The following TNIK variants were observed in gnomAD, a reference collection of about 807,000 sequenced individuals.
TNIK encodes TRAF2 and NCK interacting kinase.
A neutral mutation model predicts 191.3 loss-of-function variants in TNIK; 49 were observed. That is an observed-to-expected ratio of 0.26 (90% CI 0.20 to 0.32). The LOEUF (loss-of-function observed/expected upper bound fraction) is 0.32. TNIK is among the 10% of genes least tolerant of loss of function. The probability of loss-of-function intolerance (pLI) is 1.00; values close to 1 mark genes in which losing one functional copy is unlikely to be tolerated. For synonymous variants in TNIK, 594 were observed against 600.9 expected (o/e 0.99, Z 0.17); for missense variants, 1,155 against 1,702.3 (o/e 0.68, Z 5.66).
chr3:171,175,448 G>T, intron 8 of TNIK, 118 bp from the exon 9 acceptor site: 2 of 717,752 alleles, frequency 2.8e-6, no homozygotes, highest in South Asian at 1.9e-5. Flanking sequence ...CACCACCAGT[G>T]AGCACAAAGT....
At chr3:171,314,273 C>T (rs1187634368) in intron 2 of TNIK, among the ~76,000 whole-genome samples, 1 of 152,164 alleles carries the variant, frequency 6.6e-6, no homozygotes, top group African/African-American at 2.4e-5. Context: ...TCCCTCTATA[C>T]TCAGAGCCAC....
At chr3:171,114,278 C>T (rs147809162) in intron 18 of TNIK, among the ~76,000 whole-genome samples, 80 of 152,172 alleles carry the variant, frequency 5.3e-4, no homozygotes, top group Middle Eastern at 3.4e-3. Flanking sequence ...ATTTTAATGC[C>T]GTGAGATATT....
intron 2 of TNIK, among the ~76,000 whole-genome samples, chr3:171,338,837 A>T (rs1421982181): frequency 6.6e-6 from 1 of 152,078 alleles, no homozygotes; most frequent in African/African-American, 2.4e-5. Context: ...GAATTGCCTA[A>T]CTACCGTACA....
At chr3:171,211,468 C>G (rs1280222506) in intron 3 of TNIK, among the ~76,000 whole-genome samples, 4 of 152,038 alleles carry the variant, frequency 2.6e-5, no homozygotes, top group African/African-American at 9.7e-5. Context: ...TCTTGGAAAA[C>G]AAAACAAAAA....
At chr3:171,151,475 ATTTATTGAGGGCTCAC>A (rs1411707712) in intron 12 of TNIK, among the ~76,000 whole-genome samples, 4 of 152,228 alleles carry the variant, frequency 2.6e-5, no homozygotes, top group Non-Finnish European at 5.9e-5. Context: ...AACAACTCAT[ATTTATTGAGGGCTCAC>A]TATGTGTTAG....
At chr3:171,206,730 C>A (rs975182625) in intron 4 of TNIK, among the ~76,000 whole-genome samples, 6 of 152,116 alleles carry the variant, frequency 3.9e-5, no homozygotes, top group Non-Finnish European at 7.4e-5. Flanking sequence ...TCACTGGACC[C>A]AGCAAAGTTT....
intron 7 of TNIK, among the ~76,000 whole-genome samples, chr3:171,181,543 G>A (rs565729760): frequency 1.3e-5 from 2 of 152,362 alleles, no homozygotes; most frequent in East Asian, 3.9e-4. Context: ...TTAGGGATGT[G>A]ACATAGTTTT....
At chr3:171,426,197 C>T (rs1453800485) in intron 1 of TNIK, among the ~76,000 whole-genome samples, 1 of 151,888 alleles carries the variant, frequency 6.6e-6, no homozygotes, top group Non-Finnish European at 1.5e-5. Flanking sequence ...AAATGTGGCA[C>T]ATATACACCA....
Position 171,288,325 on chromosome 3 carries a change from A to G in TNIK, c.124-60104T>C, listed in dbSNP as rs997414476. Among the ~76,000 whole-genome samples the G allele has an allele frequency of 3.3e-5, 5 of 151,216 alleles. No homozygotes were observed. The East Asian group carries it at 5.8e-4, about 17-fold the overall frequency. ...CTAAAACTTAAAGTATAATTTAAAA[A>G]AAAAAAAAAAGAAAATATTTGGGTG... On this transcript the variant is annotated intron_variant, in intron 2 of 32. Coordinates refer to ENST00000436636, the MANE Select transcript of TNIK (RefSeq NM_015028.4).
intron 2 of TNIK, among the ~76,000 whole-genome samples, chr3:171,271,768 A>G (rs1333990845): frequency 6.6e-6 from 1 of 152,224 alleles, no homozygotes; most frequent in Non-Finnish European, 1.5e-5. Context: ...TATTATATAT[A>G]ACTTTCAAAC....
intron 30 of TNIK, 136 bp downstream of exon 30, chr3:171,068,712 C>A (rs1718781368): frequency 2.6e-6 from 2 of 783,544 alleles, no homozygotes; most frequent in African/African-American, 1.8e-5. Flanking sequence ...AAGCAGTATA[C>A]TTAATGAAGA....
chr3:171,212,375 G>A (rs1740942029), intron 3 of TNIK, among the ~76,000 whole-genome samples: 2 of 151,820 alleles, frequency 1.3e-5, no homozygotes, highest in South Asian at 4.2e-4. Context: ...TCCCCCCACT[G>A]CATCTGGTCA....
chr3:171,457,276 C>T (rs986264206), intron 1 of TNIK, among the ~76,000 whole-genome samples: 2 of 152,090 alleles, frequency 1.3e-5, no homozygotes, highest in African/African-American at 2.4e-5. Context: ...AGACTGGGTC[C>T]GGTCTGGAAT....
chr3:171,398,082 G>A (rs1720477594), intron 1 of TNIK, among the ~76,000 whole-genome samples: 1 of 152,216 alleles, frequency 6.6e-6, no homozygotes, highest in Non-Finnish European at 1.5e-5. Flanking sequence ...TTTAATTTAT[G>A]TTGGCCAAAA....
At chr3:171,271,540 T>C (rs769346971) in intron 2 of TNIK, among the ~76,000 whole-genome samples, 4 of 152,250 alleles carry the variant, frequency 2.6e-5, no homozygotes, top group Non-Finnish European at 4.4e-5. Flanking sequence ...TCTTCAAGAT[T>C]AAAACCAAAT....
chr3:171,415,078 C>T (rs1445352369), intron 1 of TNIK, among the ~76,000 whole-genome samples: 11 of 152,174 alleles, frequency 7.2e-5, no homozygotes, highest in Admixed American at 7.2e-4. Flanking sequence ...CAACCCGCTG[C>T]CTGGCTCTTT....
Position 171,251,809 on chromosome 3 carries a change from T to C in TNIK, c.124-23588A>G, listed in dbSNP as rs371316753. Among the ~76,000 whole-genome samples the C allele has an allele frequency of 7.4e-4, 113 of 152,320 alleles. 1 individual carries two copies. The South Asian group carries it at 0.021, about 28-fold the overall frequency. ...GAATATAGAAAAATAATATGGCTCA[T>C]CTTTGTTAAAAAGTATATTTAATTT... is the stretch of plus-strand genomic sequence containing the variant. On this transcript the variant is annotated intron_variant, in intron 2 of 32. Transcript: ENST00000436636.
At chr3:171,290,733 A>G (rs1404875197) in intron 2 of TNIK, among the ~76,000 whole-genome samples, 1 of 152,234 alleles carries the variant, frequency 6.6e-6, no homozygotes, top group Non-Finnish European at 1.5e-5. Context: ...CCTCATCACC[A>G]TAATGACTGA....
intron 32 of TNIK, 69 bp downstream of exon 32, chr3:171,066,118 G>A: frequency 3.0e-5 from 48 of 1,576,162 alleles, no homozygotes; most frequent in Non-Finnish European, 4.1e-5. Flanking sequence ...AAAGGAAAAT[G>A]AAGGTTTCAC....
Sources: gnomAD v4.1 joint callset for allele counts (sites outside exome capture counted in the v4.1 genomes callset) on GRCh38, gnomAD v4.1.1 for gene constraint, MANE v1.5 for transcripts, NCBI Gene and HGNC (gene_info 2026-07-23, HGNC 2026-07-21) for gene names.